Variants in MLKL observed in about 807,000 individuals in gnomAD.
The protein encoded by MLKL is mixed lineage kinase domain-like protein.
Under a neutral mutation model 56.5 loss-of-function variants are expected in MLKL, and 55 were observed. That is an observed-to-expected ratio of 0.97 (90% CI 0.78 to 1.22). MLKL has a LOEUF of 1.22. Ranked by LOEUF, MLKL falls within the 50% of genes most tolerant of loss-of-function variation. The pLI, the probability that MLKL is intolerant of heterozygous loss-of-function variation, is 0.00. For synonymous variants in MLKL, 251 were observed against 208.3 expected, an observed-to-expected ratio of 1.20 and a Z score of -1.76; for missense variants, 694 against 573.9, an observed-to-expected ratio of 1.21 and a Z score of -2.14.
At chr16:74,696,345 G>A (rs11866206) in intron 1 of MLKL, among the ~76,000 whole-genome samples, 3,079 of 152,204 alleles carry the variant, frequency 0.02, 106 homozygotes, top group African/African-American at 0.071. Context: ...GGTTTCAGGG[G>A]CCAGGCGGGT....
chr16:74,682,669 GC>G lies in MLKL; in HGVS notation c.937del (p.Ala313GlnfsTer27), dbSNP rs778535315. 3 of 1,613,962 alleles carry G rather than the reference GC, an allele frequency of 1.9e-6. No individual in the cohort carries two copies. Among genetic ancestry groups the G allele is most frequent in the Admixed American group, 1.7e-5 (1 of 59,988 alleles). On this transcript the variant is annotated frameshift_variant, in exon 6 of 11. Coordinates refer to ENST00000308807, the MANE Select transcript of MLKL (RefSeq NM_152649.4). LOFTEE classifies it high-confidence loss of function. ...GTCTTACCGGTATAGGCCTCGGGCT[GC>G]CCCCAGGACTAGGACCATGCGCTTG... The part of the protein sequence containing the change: ...LGKRMVLVLG[A>X]ARGLYRLHHS...
At chr16:74,676,213 T>A (rs1329576294) in intron 7 of MLKL, 24 of 994,056 alleles carry the variant, frequency 2.4e-5, no homozygotes, top group Non-Finnish European at 2.9e-5. Flanking sequence ...GCATCCCCTC[T>A]GTGCTATCTG....
chr16:74,673,433 G>C (rs893006713), intron 10 of MLKL, among the ~76,000 whole-genome samples: 1 of 152,088 alleles, frequency 6.6e-6, no homozygotes, highest in Non-Finnish European at 1.5e-5. Flanking sequence ...GGCCAGGCTG[G>C]TGTTGAACTC....
At chr16:74,680,529 C>T (rs1010332258) in intron 6 of MLKL, among the ~76,000 whole-genome samples, 3 of 147,500 alleles carry the variant, frequency 2.0e-5, no homozygotes, top group African/African-American at 5.0e-5. Flanking sequence ...TTTTATGAGA[C>T]GGAGTCTCGC....
At chr16:74,697,488 A>G (rs1206254806) in intron 1 of MLKL, among the ~76,000 whole-genome samples, 2 of 152,176 alleles carry the variant, frequency 1.3e-5, no homozygotes, top group Admixed American at 6.6e-5. Flanking sequence ...CAATTCACCT[A>G]CTACATCCTA....
At chr16:74,679,115 T>A in intron 6 of MLKL, 135 bp from the exon 7 acceptor site, 1 of 660,598 alleles carries the variant, frequency 1.5e-6, no homozygotes, top group South Asian at 1.8e-5. Flanking sequence ...AAAACTGGGA[T>A]GTAGAGGCAA....
At chr16:74,693,615 T>TC (rs1960827291) in intron 2 of MLKL, among the ~76,000 whole-genome samples, 2 of 150,180 alleles carry the variant, frequency 1.3e-5, no homozygotes, top group South Asian at 4.2e-4. Flanking sequence ...TTTTTTTTTT[T>TC]TTTTTTTGAG....
intron 6 of MLKL, among the ~76,000 whole-genome samples, chr16:74,681,478 A>G (rs1959963131): frequency 6.6e-6 from 1 of 152,056 alleles, no homozygotes; most frequent in Non-Finnish European, 1.5e-5. Context: ...TGCAGGTGAG[A>G]ATAGGTAGAG....
At chr16:74,682,515 C>T (rs1449615685) in intron 6 of MLKL, 136 bp downstream of exon 6, 1 of 1,223,226 alleles carries the variant, frequency 8.2e-7, no homozygotes, top group African/African-American at 1.5e-5. Context: ...TATCTGTAAT[C>T]AGAGTAAATA....
chr16:74,689,541 G>C (rs1247262155), intron 4 of MLKL, among the ~76,000 whole-genome samples: 1 of 152,164 alleles, frequency 6.6e-6, no homozygotes, highest in East Asian at 1.9e-4. Flanking sequence ...GTATTTTGAG[G>C]AGTGTGATAA....
At chr16:74,697,391 C>A (rs1161206992) in intron 1 of MLKL, among the ~76,000 whole-genome samples, 2 of 152,094 alleles carry the variant, frequency 1.3e-5, no homozygotes, top group Non-Finnish European at 2.9e-5. Context: ...TTGTTTAAGG[C>A]AGTTTGAATC....
At chr16:74,686,590 A>G (rs2144512841) in intron 4 of MLKL, among the ~76,000 whole-genome samples, 1 of 152,324 alleles carries the variant, frequency 6.6e-6, no homozygotes, top group East Asian at 1.9e-4. Flanking sequence ...CTCCACACAC[A>G]CACAAAAAAA....
chr16:74,682,664 G>C lies in MLKL; in HGVS notation c.943C>G (p.Arg315Gly), dbSNP rs755943569. Residue 315 changes from arginine to glycine, a missense_variant, in exon 6 of 11, where the codon CGA (arginine) becomes GGA (glycine). Coordinates refer to ENST00000308807, the MANE Select transcript of MLKL (RefSeq NM_152649.4). Reference protein sequence around the residue: ...KRMVLVLGAARGLYRLHHSEA... With the variant: ...KRMVLVLGAAGGLYRLHHSEA... ...ACCCCGTCTTACCGGTATAGGCCTCGGGCTGCCCCCAGGACTAGGACCATG... is the reference window on the plus strand; with the variant it reads ...ACCCCGTCTTACCGGTATAGGCCTCCGGCTGCCCCCAGGACTAGGACCATG... 3 of 1,613,886 alleles carry C rather than the reference G, an allele frequency of 1.9e-6. No homozygotes were observed. The highest frequency in any genetic ancestry group is 2.7e-5 in the African/African-American group (2 of 74,888).
At chr16:74,697,511 C>T (rs991913814) in intron 1 of MLKL, among the ~76,000 whole-genome samples, 8 of 152,254 alleles carry the variant, frequency 5.3e-5, no homozygotes, top group African/African-American at 1.2e-4. Context: ...TGCTTTGGAA[C>T]CCCCAGCTCT....
chr16:74,686,433 A>C (rs1268803836), intron 4 of MLKL, among the ~76,000 whole-genome samples: 1 of 152,154 alleles, frequency 6.6e-6, no homozygotes, highest in Non-Finnish European at 1.5e-5. Flanking sequence ...ATACAAAAAA[A>C]TTAGCTGGGT....
intron 4 of MLKL, among the ~76,000 whole-genome samples, chr16:74,686,833 AT>A (rs1960359787): frequency 6.6e-6 from 1 of 152,224 alleles, no homozygotes; most frequent in Non-Finnish European, 1.5e-5. Flanking sequence ...TCTGCTAGCA[AT>A]TAACAATCAA....
intron 1 of MLKL, among the ~76,000 whole-genome samples, chr16:74,698,768 A>G (rs1001004693): frequency 5.3e-5 from 8 of 152,212 alleles, no homozygotes; most frequent in African/African-American, 1.9e-4. Flanking sequence ...TATCCCACCC[A>G]TAGAACTGAC....
In MLKL at chr16:74,685,600, G is replaced by A. The variant is rs762754382; in HGVS notation, c.723-17C>T. ...CTCACTATTCTATAAGGATTAAAGA[G>A]AGAAATCAGGATTTCAGAACTGGAA... On this transcript the variant is annotated splice_polypyrimidine_tract_variant and intron_variant, in intron 4 of 10. Transcript: ENST00000308807. 6 of 1,593,782 alleles carry A rather than the reference G, an allele frequency of 3.8e-6. No homozygotes were observed. The highest frequency in any genetic ancestry group is 5.2e-6 in the Non-Finnish European group (6 of 1,162,050).
At position 74,695,417 on chromosome 16, in the gene MLKL, A is replaced by G. The variant is rs1363671025; in HGVS notation, c.341T>C (p.Leu114Pro). 1 of 1,614,248 alleles carries G rather than the reference A, an allele frequency of 6.2e-7. No individual in the cohort carries two copies. The highest frequency in any genetic ancestry group is 1.7e-5 in the Admixed American group (1 of 60,024). ...CATGCGTTGCTCAACCTGAAGTAACAGCGAGAGCTCCTTCCAGACATCACT... is the reference window on the plus strand; with the variant it reads ...CATGCGTTGCTCAACCTGAAGTAACGGCGAGAGCTCCTTCCAGACATCACT... ...KLSDVWKELSLLLQVEQRMPV... is the reference protein window; with the variant it reads ...KLSDVWKELSPLLQVEQRMPV... The change falls in exon 2 of 11, where the codon CTG becomes CCG. Residue 114 changes from leucine to proline, a missense_variant. Leu to Pro is a moderately conservative substitution (Grantham distance 98). Coordinates refer to ENST00000308807, the MANE Select transcript of MLKL (RefSeq NM_152649.4).
Sources: allele counts gnomAD v4.1 joint callset (sites outside exome capture counted in the v4.1 genomes callset), GRCh38; gene constraint gnomAD v4.1.1; transcripts MANE v1.5; gene names NCBI Gene and HGNC (gene_info 2026-07-23, HGNC 2026-07-21).